The following COL4A4 variants were observed in gnomAD, a reference collection of about 807,000 sequenced individuals.
COL4A4 encodes collagen alpha-4(IV) chain.
COL4A4 carries 105 observed loss-of-function variants against 192.9 expected under a neutral mutation model. The observed-to-expected ratio is 0.54, with a 90% CI of 0.46 to 0.64. The LOEUF is 0.64. COL4A4 is among the 30% of genes least tolerant of loss of function. The probability of loss-of-function intolerance (pLI) is 0.00; values close to 1 mark genes in which losing one functional copy is unlikely to be tolerated. For missense variants in COL4A4, 1,967 were observed against 2,169.3 expected (o/e 0.91, Z 1.85); for synonymous variants, 762 against 769.9 (o/e 0.99, Z 0.17).
intron 35 of COL4A4, 80 bp downstream of exon 35, chr2:227,047,395 A>G: frequency 1.0e-6 from 1 of 1,002,498 alleles, no homozygotes; most frequent in South Asian, 1.3e-5. Flanking sequence ...TGATACGATC[A>G]TTGCCAGCTA....
intron 41 of COL4A4, among the ~76,000 whole-genome samples, chr2:227,029,246 A>G (rs1211632407): frequency 2.0e-5 from 3 of 152,116 alleles, no homozygotes; most frequent in African/African-American, 7.2e-5. Context: ...ATGTCCAGGT[A>G]GAGATTTATT....
chr2:227,062,559 T>C lies in COL4A4; in HGVS notation c.2027A>G (p.His676Arg), dbSNP rs369522855. 4.3e-6 allele frequency: 7 copies of C among 1,612,240 alleles called. No individual in the cohort carries two copies. The highest frequency in any genetic ancestry group is 5.9e-6 in the Non-Finnish European group (7 of 1,178,536). The change falls in exon 26 of 48, where the codon CAT becomes CGT. Residue 676 changes from histidine to arginine, a missense_variant. Physicochemically the swap from His to Arg is conservative, Grantham distance 29 (BLOSUM62 0). Transcript: ENST00000396625. ...AGGTCCATCAAAACCTGGAGGGCCA[T>C]GCCTCCCAGGGTAGGTTACGTTGCA... ...ISCNVTYPGR[H>R]GPPGFDGPPG...
chr2:227,131,887 T>A (rs2062497822), intron 4 of COL4A4, among the ~76,000 whole-genome samples: 1 of 152,188 alleles, frequency 6.6e-6, no homozygotes, highest in Admixed American at 6.5e-5. Context: ...TGCCAAGGAC[T>A]GCTGACACCA....
intron 22 of COL4A4, among the ~76,000 whole-genome samples, chr2:227,086,887 C>T (rs2059630405): frequency 6.6e-6 from 1 of 152,220 alleles, no homozygotes; most frequent in Non-Finnish European, 1.5e-5. Context: ...GACCTAGCTT[C>T]CTATTGAGCA....
At chr2:227,002,074 G>GA (rs1559383511), downstream of COL4A4, among the ~76,000 whole-genome samples, 2 of 151,330 alleles carry the variant, frequency 1.3e-5, no homozygotes, top group African/African-American at 4.9e-5. Flanking sequence ...GGAGGGTGAG[G>GA]CAGGAGGATC....
At chr2:226,999,423 A>G (rs1256917534), downstream of COL4A4, among the ~76,000 whole-genome samples, 1 of 152,174 alleles carries the variant, frequency 6.6e-6, no homozygotes, top group Non-Finnish European at 1.5e-5. Context: ...TGGTACACAA[A>G]GCTCAAGATT....
At chr2:227,097,904 C>G (rs530860984) in intron 19 of COL4A4, among the ~76,000 whole-genome samples, 2 of 152,300 alleles carry the variant, frequency 1.3e-5, no homozygotes, top group South Asian at 2.1e-4. Flanking sequence ...TACGTTTACT[C>G]AAGACTTTTC....
At chr2:226,998,002 CTAAT>C (rs1398846182), downstream of COL4A4, 3 of 152,216 alleles carry the variant, frequency 2.0e-5, no homozygotes, top group Non-Finnish European at 4.4e-5. Context: ...GTGTATTAGA[CTAAT>C]TATCTCTAGT....
At chr2:226,999,586 G>C (rs191636467), downstream of COL4A4, among the ~76,000 whole-genome samples, 8 of 152,286 alleles carry the variant, frequency 5.3e-5, no homozygotes, top group African/African-American at 1.9e-4. Flanking sequence ...TTAACATCTC[G>C]ATCAGATGAT....
intron 6 of COL4A4, 78 bp downstream of exon 6, chr2:227,119,817 A>C: frequency 1.2e-6 from 1 of 810,450 alleles, no homozygotes; most frequent in Non-Finnish European, 1.9e-6. Context: ...TTTTATGTAT[A>C]TATACATGTG....
chr2:226,992,150 A>G, the COL4A4 span, among the ~76,000 whole-genome samples: 1 of 152,312 alleles, frequency 6.6e-6, no homozygotes, highest in African/African-American at 2.4e-5. Context: ...TATAGAAACA[A>G]TTTGACACAT....
chr2:227,102,838 C>G lies in COL4A4; in HGVS notation c.881G>C (p.Gly294Ala). Residue 294 changes from glycine (G) to alanine (A), a missense_variant, in exon 15 of 48, where the codon GGT becomes GCT. Coordinates refer to ENST00000396625, the MANE Select transcript of COL4A4 (RefSeq NM_000092.5). ...ACCTTTTTCTCCTTTTGCCCCAATA[C>G]CAGATTCTCCCTTTAAGAGATGACA... ...PGPPGRKGES[G>A]IGAKGEKGIP... 1 of 1,613,254 alleles carries G rather than the reference C, an allele frequency of 6.2e-7. No individual in the cohort carries two copies.
At position 227,065,538 on chromosome 2, in the gene COL4A4, A is replaced by G. The variant is rs376979920; in HGVS notation, c.1988-2940T>C. Among the ~76,000 whole-genome samples the G allele has an allele frequency of 1.3e-3, 198 of 152,284 alleles. 3 individuals carry two copies. The highest frequency in any genetic ancestry group is 0.01 in the Middle Eastern group (3 of 294). On this transcript the variant is annotated intron_variant, in intron 25 of 47. Coordinates refer to ENST00000396625, the MANE Select transcript of COL4A4 (RefSeq NM_000092.5). The stretch of plus-strand genomic sequence containing the variant: ...AGCACACAGCTGGAGATCTGAGAAC[A>G]GGCAGACTGCCTCCTCAAGTGGGTC...
intron 20 of COL4A4, 77 bp downstream of exon 20, chr2:227,094,048 A>G: frequency 7.3e-7 from 1 of 1,360,832 alleles, no homozygotes; most frequent in Non-Finnish European, 1.0e-6. Flanking sequence ...ATATTTTAAA[A>G]ACTATGCTTT....
At chr2:226,970,548 C>T in the COL4A4 span, among the ~76,000 whole-genome samples, 2 of 152,178 alleles carry the variant, frequency 1.3e-5, no homozygotes, top group African/African-American at 2.4e-5. Context: ...TATTTTTAGG[C>T]ACTGGTAGAG....
rs1559742015 is a variant in COL4A4 at position 227,147,412 on chromosome 2, C to T, written c.71+1G>A. 6.2e-7 allele frequency: 1 copy of T among 1,613,288 alleles called. No homozygotes were observed. On this transcript the variant is annotated splice_donor_variant, in intron 2 of 47. Coordinates refer to ENST00000396625, the MANE Select transcript of COL4A4 (RefSeq NM_000092.5). LOFTEE classifies it high-confidence loss of function. ...CAGGCAATCACACTGAGGATACTCA[C>T]CAGGGACCTGTGGCCAAGGACTTGG...
In COL4A4 at chr2:227,068,815, G is replaced by T. The variant is rs1243962463; in HGVS notation, c.1988-6217C>A. Reference sequence around the variant, plus strand: ...CCTTTGAAAACTGGCACAAGACAGGGATGCCCTCTCTCACCACTCCTATTC... The same window carrying T: ...CCTTTGAAAACTGGCACAAGACAGGTATGCCCTCTCTCACCACTCCTATTC... On this transcript the variant is annotated intron_variant, in intron 25 of 47. Transcript: ENST00000396625. 2.7e-5 allele frequency among the ~76,000 whole-genome samples: 4 copies of T among 147,856 alleles called. No homozygotes were observed. In the East Asian group the frequency reaches 8.0e-4, roughly 30 times the overall value.
chr2:226,988,594 CG>C, the COL4A4 span: 1 of 1,362,320 alleles, frequency 7.3e-7, no homozygotes, highest in South Asian at 2.1e-5. Flanking sequence ...CAGAAGAGGC[CG>C]GGGGCTCCAG....
At chr2:227,026,486 G>GA (rs1164765440) in intron 42 of COL4A4, among the ~76,000 whole-genome samples, 1 of 146,978 alleles carries the variant, frequency 6.8e-6, no homozygotes, top group African/African-American at 2.5e-5. Context: ...GTGACAAAGC[G>GA]AGACTCCGTC....
Sources: gnomAD v4.1 joint callset for allele counts (sites outside exome capture counted in the v4.1 genomes callset) on GRCh38, gnomAD v4.1.1 for gene constraint, MANE v1.5 for transcripts, NCBI Gene and HGNC (gene_info 2026-07-23, HGNC 2026-07-21) for gene names.